Variants in ARRB1 observed in about 807,000 individuals in gnomAD.
ARRB1 encodes arrestin beta 1, also known as beta-arrestin-1.
Under a neutral mutation model 56.8 loss-of-function variants are expected in ARRB1, and 21 were observed. The observed-to-expected ratio is 0.37, with a 90% confidence interval of 0.26 to 0.53. The LOEUF (loss-of-function observed/expected upper bound fraction) is 0.53, where lower values mean the gene tolerates loss of function less well. Among genes scored for constraint, ARRB1 ranks in the 20% least tolerant of loss-of-function variants. The pLI is 0.88. For synonymous variants in ARRB1, 210 were observed against 218.6 expected (o/e 0.96, Z 0.35); for missense variants, 424 against 553.7 (o/e 0.77, Z 2.35).
At chr11:75,278,471 T>G in intron 8 of ARRB1, 138 bp downstream of exon 8, 1 of 1,270,768 alleles carries the variant, frequency 7.9e-7, no homozygotes, top group Non-Finnish European at 1.1e-6. Context: ...GGTCTCAGAT[T>G]CCCTGACCCC....
At chr11:75,266,345 GC>G in intron 15 of ARRB1, 71 bp from the exon 16 acceptor site, 1 of 1,279,160 alleles carries the variant, frequency 7.8e-7, no homozygotes, top group Non-Finnish European at 1.1e-6. Flanking sequence ...CAGAGGCCCG[GC>G]CAGATGTGAC....
intron 1 of ARRB1, among the ~76,000 whole-genome samples, chr11:75,347,401 C>A (rs1055975446): frequency 1.3e-5 from 2 of 152,158 alleles, no homozygotes; most frequent in Non-Finnish European, 2.9e-5. Flanking sequence ...TCCTCATCAC[C>A]CTCCTTTCTC....
At chr11:75,273,897 T>C (rs996861737) in intron 11 of ARRB1, among the ~76,000 whole-genome samples, 177 bp downstream of exon 11, 1 of 151,956 alleles carries the variant, frequency 6.6e-6, no homozygotes, top group African/African-American at 2.4e-5. Context: ...CACCCCTGGG[T>C]AGGGTTGGGA....
chr11:75,299,711 T>A (rs915569909), intron 1 of ARRB1, among the ~76,000 whole-genome samples: 1 of 152,208 alleles, frequency 6.6e-6, no homozygotes, highest in Non-Finnish European at 1.5e-5. Flanking sequence ...CCATACTTTG[T>A]AATGGTCTGA....
chr11:75,306,396 C>T (rs940393978), intron 1 of ARRB1, among the ~76,000 whole-genome samples: 2 of 152,226 alleles, frequency 1.3e-5, no homozygotes, highest in African/African-American at 4.8e-5. Context: ...ATCTCCACCC[C>T]GCACTGTTCC....
intron 1 of ARRB1, among the ~76,000 whole-genome samples, chr11:75,294,180 C>T (rs991886517): frequency 1.3e-5 from 2 of 152,054 alleles, no homozygotes; most frequent in African/African-American, 4.8e-5. Flanking sequence ...CAAGGAGGCC[C>T]GGGCAGAAGA....
chr11:75,302,155 G>A (rs1419229871), intron 1 of ARRB1, among the ~76,000 whole-genome samples: 1 of 151,796 alleles, frequency 6.6e-6, no homozygotes, highest in Admixed American at 6.5e-5. Flanking sequence ...CAGGGCACAG[G>A]GCAGTGCCTG....
At position 75,287,330 on chromosome 11, in the gene ARRB1, G is replaced by C. The variant is rs776133811; in HGVS notation, c.97C>G (p.Leu33Val). Residue 33 changes from leucine (L) to valine (V), a missense_variant, in exon 3 of 16, where the codon CTC becomes GTC. Leu to Val is a conservative substitution (Grantham distance 32). Transcript: ENST00000420843. ...AGGGACTCACCCACAGGGTCCACGA[G>C]GTCGATGTGGTCCACAAAGTCCCGC... ...GKRDFVDHID[L>V]VDPVDGVVLV... is the part of the protein sequence containing the mutation. 4.5e-6 allele frequency: 7 copies of C among 1,557,838 alleles called. No homozygotes were observed. In the South Asian group the frequency reaches 8.3e-5, roughly 18 times the overall value.
chr11:75,330,421 G>A (rs556783406), intron 1 of ARRB1, among the ~76,000 whole-genome samples: 1 of 152,052 alleles, frequency 6.6e-6, no homozygotes, highest in Non-Finnish European at 1.5e-5. Flanking sequence ...TCCAAAGGCT[G>A]CAGGAAAGAG....
intron 1 of ARRB1, among the ~76,000 whole-genome samples, chr11:75,350,030 G>A (rs1175032275): frequency 6.6e-6 from 1 of 152,244 alleles, no homozygotes; most frequent in Non-Finnish European, 1.5e-5. Context: ...AAAACAGGAA[G>A]AGGAAAATTA....
chr11:75,332,661 C>T (rs1269346830), intron 1 of ARRB1, among the ~76,000 whole-genome samples: 13 of 152,168 alleles, frequency 8.5e-5, no homozygotes, highest in Non-Finnish European at 5.9e-5. Context: ...CTTTGGGAGG[C>T]CGAGGCAGGC....
chr11:75,319,818 A>G (rs1947319095), intron 1 of ARRB1, among the ~76,000 whole-genome samples: 1 of 152,170 alleles, frequency 6.6e-6, no homozygotes, highest in South Asian at 2.1e-4. Flanking sequence ...TTGAAAAATT[A>G]GAAGTACTCA....
intron 1 of ARRB1, among the ~76,000 whole-genome samples, chr11:75,324,004 A>G (rs1426225191): frequency 1.3e-5 from 2 of 152,354 alleles, no homozygotes; most frequent in East Asian, 1.9e-4. Context: ...CATACAGTTT[A>G]ATCACAATGG....
chr11:75,291,222 AG>A, intron 1 of ARRB1, among the ~76,000 whole-genome samples: 1 of 152,264 alleles, frequency 6.6e-6, no homozygotes. Flanking sequence ...TTGTAATCCC[AG>A]CTACTTGGGA....
At chr11:75,269,475 T>C (rs1389220241) in intron 13 of ARRB1, among the ~76,000 whole-genome samples, 1 of 152,300 alleles carries the variant, frequency 6.6e-6, no homozygotes, top group East Asian at 1.9e-4. Flanking sequence ...TGAAGCACTG[T>C]TGAGGTCAGT....
chr11:75,266,786 A>G (rs144393475), intron 15 of ARRB1, among the ~76,000 whole-genome samples: 2 of 152,164 alleles, frequency 1.3e-5, no homozygotes, highest in Admixed American at 6.5e-5. Context: ...AGAGAAGACC[A>G]TGAAGAACCT....
intron 1 of ARRB1, among the ~76,000 whole-genome samples, chr11:75,320,329 AAGG>A (rs1428060844): frequency 1.3e-5 from 2 of 152,282 alleles, no homozygotes; most frequent in South Asian, 2.1e-4. Flanking sequence ...AGCAGGAGGA[AAGG>A]AGGAGGAATG....
At chr11:75,318,860 G>A (rs1947303581) in intron 1 of ARRB1, among the ~76,000 whole-genome samples, 1 of 152,156 alleles carries the variant, frequency 6.6e-6, no homozygotes, top group South Asian at 2.1e-4. Flanking sequence ...GGATGTCCAG[G>A]ATCCTTCAAA....
Position 75,346,051 on chromosome 11 carries a change from A to G in ARRB1, c.20+5537T>C, listed in dbSNP as rs1206211007. On this transcript the variant is annotated intron_variant, in intron 1 of 15. Coordinates refer to ENST00000420843, the MANE Select transcript of ARRB1 (RefSeq NM_004041.5). ...AAAGTACCTTGAAACCACCCCCTCC[A>G]GCATCCAAGACCTGCTGGCCAAGGC... Among the ~76,000 whole-genome samples the G allele has an allele frequency of 3.3e-5, 5 of 152,064 alleles. No homozygotes were observed. In the South Asian group the frequency reaches 8.3e-4, roughly 25 times the overall value.
Sources: gnomAD v4.1 joint callset for allele counts (sites outside exome capture counted in the v4.1 genomes callset) on GRCh38, gnomAD v4.1.1 for gene constraint, MANE v1.5 for transcripts, NCBI Gene and HGNC (gene_info 2026-07-23, HGNC 2026-07-21) for gene names.